The following HAL variants were observed in gnomAD, a reference collection of about 807,000 sequenced individuals.
HAL encodes histidine ammonia-lyase.
In HAL, 85 loss-of-function variants were observed where a neutral mutation model predicts 81.1. The ratio of observed to expected loss-of-function variants is 1.05; its 90% confidence interval spans 0.88 to 1.25. The LOEUF (loss-of-function observed/expected upper bound fraction) is 1.25, where lower values mean the gene tolerates loss of function less well. HAL is among the 50% of genes most tolerant of loss of function. HAL has a pLI of 0.00. For synonymous variants in HAL, 301 were observed against 309.2 expected (o/e 0.97, Z 0.28); for missense variants, 798 against 836.6 (o/e 0.95, Z 0.57).
rs112610390 is a variant in HAL at position 95,974,250 on chromosome 12, C to T, written c.1956G>A (p.Pro652=). 5.7e-5 allele frequency: 92 copies of T among 1,613,864 alleles called. No homozygotes were observed. Among genetic ancestry groups the T allele is most frequent in the East Asian group, 4.2e-4 (19 of 44,892 alleles). Residue 652 remains proline (P), a synonymous_variant, in exon 21 of 21, where the codon CCG becomes CCA. Coordinates refer to ENST00000261208, the MANE Select transcript of HAL (RefSeq NM_002108.4). ...AAGCCCATTAAAGGTCCTCAGACTC[C>T]GGGATTTTGGTGGATTTCTTGTGCA... ...QFLHKKSTKI[P]ESEDL
chr12:95,987,307 A>G, intron 11 of HAL, 93 bp from the exon 12 acceptor site: 1 of 1,017,878 alleles, frequency 9.8e-7, no homozygotes. Flanking sequence ...ATAAGAGAAA[A>G]ATTAGCCAGT....
intron 20 of HAL, 82 bp from the exon 21 acceptor site, chr12:95,974,454 C>G (rs771536097): frequency 4.9e-6 from 6 of 1,224,814 alleles, no homozygotes; most frequent in Non-Finnish European, 7.2e-6. Flanking sequence ...CATCCGAAGT[C>G]AAAACATACT....
At position 95,976,659 on chromosome 12, in the gene HAL, G is replaced by A. The variant is rs765722855; in HGVS notation, c.1702C>T (p.Arg568Cys). 2.4e-5 allele frequency: 39 copies of A among 1,612,974 alleles called. 1 individual carries two copies. In the South Asian group the frequency reaches 3.4e-4, roughly 14 times the overall value. The change falls in exon 19 of 21, where the codon CGT becomes TGT. Residue 568 changes from arginine to cysteine, a missense_variant. Transcript: ENST00000261208. ...LAACQGIEFL[R>C]PLKTTTPLEK... ...AGCGGAGTGGTTGTTTTCAGGGGAC[G>A]TAGAAACTCTATGCCCTGGCAGGCT...
rs776901513 is a variant in HAL at position 95,978,041 on chromosome 12, A to G, written c.1557T>C (p.Val519=). 14 of 1,613,808 alleles carry G rather than the reference A, an allele frequency of 8.7e-6. No individual in the cohort carries two copies. The Admixed American group carries it at 2.2e-4, about 25-fold the overall frequency. The change falls in exon 18 of 21, where the codon GTT becomes GTC. Residue 519 remains valine, a synonymous_variant. Coordinates refer to ENST00000261208, the MANE Select transcript of HAL (RefSeq NM_002108.4). Reference sequence around the variant, plus strand: ...TGGCTGCGCTGGTGGAGAGGGAGTCAACAGACGAGGGATGGCACAGAGCCT... The same window carrying G: ...TGGCTGCGCTGGTGGAGAGGGAGTCGACAGACGAGGGATGGCACAGAGCCT... ...ENKALCHPSS[V]DSLSTSAATE...
At chr12:95,980,953 C>G in intron 15 of HAL, 90 bp from the exon 16 acceptor site, 1 of 822,732 alleles carries the variant, frequency 1.2e-6, no homozygotes, top group South Asian at 1.3e-5. Flanking sequence ...GTGGAGGTGG[C>G]AGTCTGTGTA....
intron 10 of HAL, among the ~76,000 whole-genome samples, chr12:95,989,306 G>A (rs1220479293): frequency 1.3e-5 from 2 of 152,224 alleles, no homozygotes. Context: ...AGCCTCCTGA[G>A]TAGCTGGGAC....
Position 95,977,927 on chromosome 12 carries a change from G to T in HAL, c.1654+17C>A. 6.2e-7 allele frequency: 1 copy of T among 1,613,686 alleles called. No individual in the cohort carries two copies. On this transcript the variant is annotated intron_variant, in intron 18 of 20. Coordinates refer to ENST00000261208, the MANE Select transcript of HAL (RefSeq NM_002108.4). ...GTCTATCAGGCAGGCCCGCCACCCC[G>T]AACTCATCAGCATTACCTTGCTCCA... is the stretch of plus-strand genomic sequence containing the variant.
chr12:95,983,144 T>C (rs1484498240), intron 15 of HAL, among the ~76,000 whole-genome samples: 1 of 152,162 alleles, frequency 6.6e-6, no homozygotes, highest in Non-Finnish European at 1.5e-5. Flanking sequence ...TCCCGGCACT[T>C]TGGGAGGCCG....
At position 95,992,881 on chromosome 12, in the gene HAL, C is replaced by CCCTCCCTT. The variant is rs1949989536; in HGVS notation, c.590-77_590-76insAAGGGAGG. On this transcript the variant is annotated intron_variant, in intron 8 of 20. Transcript: ENST00000261208. Reference sequence around the variant, plus strand: ...CTCCTGACAATTGCCCTCCCTCCCTCCAATCTTTCCCATATGTAGCCCAGC... The same window carrying CCCTCCCTT: ...CTCCTGACAATTGCCCTCCCTCCCTCCCTCCCTTCAATCTTTCCCATATGTAGCCCAGC... The CCCTCCCTT allele has an allele frequency of 4.7e-5, 63 of 1,341,094 alleles. No individual in the cohort carries two copies. In the South Asian group the frequency reaches 5.2e-4, roughly 11 times the overall value. 83.1% of individuals were successfully genotyped at this position (1,341,094 alleles called of 1,614,324 possible). A position where few individuals can be genotyped will look rare whatever the true frequency, so the allele number is the denominator to read the frequency against.
Position 95,994,112 on chromosome 12 carries a change from C to T in HAL, c.389G>A (p.Gly130Glu). ...TACCTTTATTTTGTAGCGTCCCTTTCCCAAGTTGACCAGATCCTCCGTGGT... is the reference window on the plus strand; with the variant it reads ...TACCTTTATTTTGTAGCGTCCCTTTTCCAAGTTGACCAGATCCTCCGTGGT... ...RLTTEDLVNL[G>E]KGRYKIKLTP... is the part of the protein sequence containing the mutation. The change falls in exon 5 of 21, where the codon GGA (glycine) becomes GAA (glutamate). Residue 130 changes from glycine to glutamate, a missense_variant. By Grantham distance (98) the Gly-to-Glu change is moderately conservative (BLOSUM62 -2). Coordinates refer to ENST00000261208, the MANE Select transcript of HAL (RefSeq NM_002108.4). The T allele has an allele frequency of 6.2e-7, 1 of 1,613,470 alleles. No individual in the cohort carries two copies. The highest frequency in any genetic ancestry group is 8.5e-7 in the Non-Finnish European group (1 of 1,179,422).
At position 95,974,279 on chromosome 12, in the gene HAL, A is replaced by G. The variant is rs2080688822; in HGVS notation, c.1927T>C (p.Phe643Leu). ...ATTTTGGTGGATTTCTTGTGCAGAAATTGCAGTGAAAAGGCTGTTGGAGAA... is the reference window on the plus strand; with the variant it reads ...ATTTTGGTGGATTTCTTGTGCAGAAGTTGCAGTGAAAAGGCTGTTGGAGAA... ...PLSPTAFSLQ[F>L]LHKKSTKIPE... Residue 643 changes from phenylalanine to leucine, a missense_variant, in exon 21 of 21, where the codon TTT becomes CTT. Physicochemically the swap from Phe to Leu is conservative, Grantham distance 22. Transcript: ENST00000261208. 7.4e-6 allele frequency: 12 copies of G among 1,613,862 alleles called. No individual in the cohort carries two copies. The highest frequency in any genetic ancestry group is 1.0e-5 in the Non-Finnish European group (12 of 1,179,862).
chr12:95,976,667 T>C lies in HAL; in HGVS notation c.1694A>G (p.Glu565Gly), dbSNP rs750837637. 6.2e-7 allele frequency: 1 copy of C among 1,613,124 alleles called. No individual in the cohort carries two copies. The change falls in exon 19 of 21, where the codon GAG becomes GGG. Residue 565 changes from glutamate to glycine, a missense_variant. Transcript: ENST00000261208. ...GGTTGTTTTCAGGGGACGTAGAAAC[T>C]CTATGCCCTGGCAGGCTGCAAGGAG... is the stretch of plus-strand genomic sequence containing the variant. The part of the protein sequence containing the change: ...IELLAACQGI[E>G]FLRPLKTTTP...
In HAL at chr12:95,976,501, A is replaced by G. The variant is rs1320896441; in HGVS notation, c.1764-3T>C. ...TGAAGCGATCTTTTATCCAGGGCCT[A>G]CAGGGAGAGCACATCCGCCCATCAG... On this transcript the variant is annotated splice_region_variant and splice_polypyrimidine_tract_variant and intron_variant, in intron 19 of 20. Coordinates refer to ENST00000261208, the MANE Select transcript of HAL (RefSeq NM_002108.4). 4 of 1,613,894 alleles carry G rather than the reference A, an allele frequency of 2.5e-6. No homozygotes were observed. The highest frequency in any genetic ancestry group is 2.2e-5 in the South Asian group (2 of 91,068).
In HAL at chr12:95,994,985, C is replaced by T. The variant is rs1950015308; in HGVS notation, c.256G>A (p.Gly86Ser). 3.1e-6 allele frequency: 5 copies of T among 1,609,148 alleles called. No homozygotes were observed. The highest frequency in any genetic ancestry group is 4.3e-6 in the Non-Finnish European group (5 of 1,175,592). ...NNEFVEVVIEGDAMSPDFIPS... is the reference protein window; with the variant it reads ...NNEFVEVVIESDAMSPDFIPS... ...ATGAAGTCAGGAGACATGGCATCAC[C>T]CTCTATAACTAAAACAATGCACGGG... is the stretch of plus-strand genomic sequence containing the variant. Residue 86 changes from glycine to serine, a missense_variant, in exon 3 of 21, where the codon GGT becomes AGT. Coordinates refer to ENST00000261208, the MANE Select transcript of HAL (RefSeq NM_002108.4).
At chr12:95,990,214 A>C in intron 10 of HAL, 179 bp downstream of exon 10, 1 of 681,204 alleles carries the variant, frequency 1.5e-6, no homozygotes. Context: ...CGAGTATAGA[A>C]GCTAACAACA....
intron 17 of HAL, among the ~76,000 whole-genome samples, chr12:95,978,791 T>C (rs973471954): frequency 3.3e-5 from 5 of 152,238 alleles, no homozygotes; most frequent in Admixed American, 3.3e-4. Context: ...TCCCTCACCC[T>C]AGCTTAGAAG....
chr12:95,988,142 C>T (rs1363395177), intron 11 of HAL, 51 bp downstream of exon 11: 1 of 869,600 alleles, frequency 1.1e-6, no homozygotes, highest in Non-Finnish European at 2.0e-6. Flanking sequence ...GAAAATACTG[C>T]ATAAATAAAA....
chr12:95,992,895 A>C, intron 8 of HAL, 90 bp from the exon 9 acceptor site: 3 of 1,046,430 alleles, frequency 2.9e-6, no homozygotes, highest in African/African-American at 2.0e-5. Flanking sequence ...TCTTTCCCAT[A>C]TGTAGCCCAG....
At chr12:95,977,673 A>G (rs1261930937) in intron 18 of HAL, among the ~76,000 whole-genome samples, 1 of 151,492 alleles carries the variant, frequency 6.6e-6, no homozygotes, top group Non-Finnish European at 1.5e-5. Context: ...AGAAAAAAAA[A>G]GCCAGCCAAA....
Sources: allele counts gnomAD v4.1 joint callset (sites outside exome capture counted in the v4.1 genomes callset), GRCh38; gene constraint gnomAD v4.1.1; transcripts MANE v1.5; gene names NCBI Gene and HGNC (gene_info 2026-07-23, HGNC 2026-07-21).